NOC4L: variants seen among roughly 807,000 people sequenced by gnomAD.
NOC4L encodes the protein nucleolar complex protein 4 homolog.
A neutral mutation model predicts 62.8 loss-of-function variants in NOC4L; 40 were observed. That is an observed-to-expected ratio of 0.64 (90% CI 0.49 to 0.83). The LOEUF (loss-of-function observed/expected upper bound fraction) is 0.83, where lower values mean the gene tolerates loss of function less well. NOC4L is among the 40% of genes least tolerant of loss of function. The pLI is 0.00. For missense variants in NOC4L, 927 were observed against 701.9 expected (o/e 1.32, Z -3.62); for synonymous variants, 433 against 299.8 (o/e 1.44, Z -4.59).
At chr12:132,146,490 C>A in intron 3 of NOC4L, 2 of 396,722 alleles carry the variant, frequency 5.0e-6, no homozygotes, top group South Asian at 3.6e-5. Flanking sequence ...AGTGGAATTA[C>A]AAGGCCACAC....
At chr12:132,148,203 A>G in intron 7 of NOC4L, 97 bp downstream of exon 7, 1 of 1,292,802 alleles carries the variant, frequency 7.7e-7, no homozygotes, top group South Asian at 1.3e-5. Flanking sequence ...TCCTCACCAG[A>G]GGAAACTCCC....
At chr12:132,149,914 G>A (rs1315113828) in intron 9 of NOC4L, among the ~76,000 whole-genome samples, 2 of 10,920 alleles carry the variant, frequency 1.8e-4, no homozygotes, top group Admixed American at 7.5e-4. Flanking sequence ...CTCGGTGAGT[G>A]CCGCCGCCTC....
intron 7 of NOC4L, 88 bp downstream of exon 7, chr12:132,148,194 C>T: frequency 1.4e-6 from 2 of 1,387,920 alleles, no homozygotes; most frequent in African/African-American, 1.4e-5. Flanking sequence ...CTGCCGCCTT[C>T]CTCACCAGAG....
chr12:132,151,871 C>T (rs1434214671), intron 13 of NOC4L, 51 bp downstream of exon 13: 2 of 1,557,636 alleles, frequency 1.3e-6, no homozygotes, highest in Admixed American at 1.7e-5. Context: ...TCCTTCGGCC[C>T]CTCAGAAAGC....
rs892695344 is a variant in NOC4L, at chr12:132,144,597, G to T, written c.109G>T (p.Val37Leu). ...EANAVFDILAVLQSEDQEEIQ... is the reference protein window; with the variant it reads ...EANAVFDILALLQSEDQEEIQ... ...CAACGCCGTGTTCGACATCCTGGCCGTGCTGCAGGTGGGCCTGGCGGCGTC... is the reference window on the plus strand; with the variant it reads ...CAACGCCGTGTTCGACATCCTGGCCTTGCTGCAGGTGGGCCTGGCGGCGTC... The change falls in exon 1 of 15, where the codon GTG becomes TTG. Residue 37 changes from valine (V) to leucine (L), a missense_variant. Transcript: ENST00000330579. 4 of 1,518,324 alleles carry T rather than the reference G, an allele frequency of 2.6e-6. No homozygotes were observed. In the African/African-American group the frequency reaches 5.6e-5, roughly 21 times the overall value. The allele number at this position is 1,518,324 out of a possible 1,614,324, so 94.1% of individuals were successfully genotyped here.
Position 132,152,203 on chromosome 12 carries a change from G to T in NOC4L, c.1431+6G>T, listed in dbSNP as rs924007753. The T allele has an allele frequency of 3.7e-6, 6 of 1,610,804 alleles. No homozygotes were observed. In the Admixed American group the frequency reaches 5.0e-5, roughly 13 times the overall value. On this transcript the variant is annotated splice_donor_region_variant and intron_variant, in intron 14 of 14. Transcript: ENST00000330579. ...TGGAGCTCACGGCCTACGAGGTGCGGAACTGGGCCAGGGTGCGAGGGTCTG... is the reference window on the plus strand; with the variant it reads ...TGGAGCTCACGGCCTACGAGGTGCGTAACTGGGCCAGGGTGCGAGGGTCTG...
rs771107725 is a variant in NOC4L at position 132,147,633 on chromosome 12, T to C, written c.454T>C (p.Leu152=). The change falls in exon 5 of 15, where the codon TTG becomes CTG. Residue 152 remains leucine, a splice_region_variant and synonymous_variant. Coordinates refer to ENST00000330579, the MANE Select transcript of NOC4L (RefSeq NM_024078.3). The part of the protein sequence containing the change: ...NYLFPRELFK[L]VVGGLLSPEE... The stretch of plus-strand genomic sequence containing the variant: ...GCTGCTCACTGGTCCTTGCCCCTAG[T>C]TGGTGGTGGGAGGCCTGCTGTCTCC... 1.2e-6 allele frequency: 2 copies of C among 1,612,564 alleles called. No individual in the cohort carries two copies. Among genetic ancestry groups the C allele is most frequent in the Non-Finnish European group, 8.5e-7 (1 of 1,179,792 alleles).
At chr12:132,145,096 C>G (rs779601556) in intron 2 of NOC4L, 122 bp downstream of exon 2, 15 of 1,346,664 alleles carry the variant, frequency 1.1e-5, no homozygotes, top group Non-Finnish European at 1.2e-5. Flanking sequence ...GGAGGACGCA[C>G]CAAGCCCACC....
intron 3 of NOC4L, among the ~76,000 whole-genome samples, chr12:132,146,604 C>T (rs189622704): frequency 2.0e-5 from 3 of 152,332 alleles, no homozygotes; most frequent in African/African-American, 2.4e-5. Flanking sequence ...CCATACTCCA[C>T]ATCCTCGCCA....
At position 132,147,993 on chromosome 12, in the gene NOC4L, GAGTC is replaced by G. The variant is rs1172625308; in HGVS notation, c.703+17_703+20del. ...TGAAGCGGGCGGGTGAGTGTGCTGA[GAGTC>G]AGGGGCGGACAGGGCTGAGCCTTGG... On this transcript the variant is annotated intron_variant, in intron 6 of 14. Coordinates refer to ENST00000330579, the MANE Select transcript of NOC4L (RefSeq NM_024078.3). 2.5e-6 allele frequency: 4 copies of G among 1,612,262 alleles called. No individual in the cohort carries two copies. Among genetic ancestry groups the G allele is most frequent in the Non-Finnish European group, 2.5e-6 (3 of 1,179,578 alleles).
In NOC4L at chr12:132,147,622, C is replaced by A. The variant is rs78636093; in HGVS notation, c.454-11C>A. The A allele has an allele frequency of 9.0e-5, 145 of 1,612,312 alleles. 1 individual carries two copies. The East Asian group carries it at 3.1e-3, about 35-fold the overall frequency. On this transcript the variant is annotated splice_polypyrimidine_tract_variant and intron_variant, in intron 4 of 14. Transcript: ENST00000330579. ...GGCCGGGCAGGGCTGCTCACTGGTC[C>A]TTGCCCCTAGTTGGTGGTGGGAGGC...
chr12:132,148,868 G>T lies in NOC4L; in HGVS notation c.874G>T (p.Asp292Tyr). 1 of 1,599,366 alleles carries T rather than the reference G, an allele frequency of 6.3e-7. No homozygotes were observed. The highest frequency in any genetic ancestry group is 1.1e-5 in the South Asian group (1 of 90,602). The change falls in exon 9 of 15, where the codon GAC (aspartate) becomes TAC (tyrosine). Residue 292 changes from aspartate to tyrosine, a missense_variant. By Grantham distance (160) the Asp-to-Tyr change is radical. Coordinates refer to ENST00000330579, the MANE Select transcript of NOC4L (RefSeq NM_024078.3). ...PQLAQPTLMI[D>Y]FLTRACDLGG... is the part of the protein sequence containing the mutation. The stretch of plus-strand genomic sequence containing the variant: ...GCTGGCGCAGCCCACGCTCATGATC[G>T]ACTTCCTCACCCGCGCCTGCGACCT...
chr12:132,147,840 C>T, intron 5 of NOC4L, 40 bp from the exon 6 acceptor site: 1 of 1,610,222 alleles, frequency 6.2e-7, no homozygotes, highest in Non-Finnish European at 8.5e-7. Flanking sequence ...GAGGCAGGGA[C>T]TGGGGGGCGG....
chr12:132,150,994 C>G lies in NOC4L; in HGVS notation c.915C>G (p.Ser305Arg), dbSNP rs775316842. The change falls in exon 10 of 15, where the codon AGC becomes AGG. Residue 305 changes from serine (S) to arginine (R), a missense_variant. Physicochemically the swap from Ser to Arg is moderately radical, Grantham distance 110. Coordinates refer to ENST00000330579, the MANE Select transcript of NOC4L (RefSeq NM_024078.3). ...GTCTGTCTGCAGGGGGGGCCCTCAG[C>G]CTCTTGGCCTTGAACGGGCTGTTCA... ...TRACDLGGAL[S>R]LLALNGLFIL... 1 of 1,610,090 alleles carries G rather than the reference C, an allele frequency of 6.2e-7. No individual in the cohort carries two copies. Among genetic ancestry groups the G allele is most frequent in the Non-Finnish European group, 8.5e-7 (1 of 1,178,572 alleles).
intron 10 of NOC4L, 23 bp downstream of exon 10, chr12:132,151,064 GTCT>G (rs1565961415): frequency 6.2e-7 from 1 of 1,602,048 alleles, no homozygotes; most frequent in Admixed American, 1.7e-5. Flanking sequence ...AGGGGTGCAG[GTCT>G]TCTTCCCAGT....
At chr12:132,151,096 C>A (rs374724943) in intron 10 of NOC4L, 55 bp downstream of exon 10, 6 of 1,529,116 alleles carry the variant, frequency 3.9e-6, no homozygotes, top group African/African-American at 1.4e-5. Context: ...CCCTGCTCCT[C>A]TGTCCCCTTC....
In NOC4L at chr12:132,151,294, C is replaced by G. The variant is rs746720734; in HGVS notation, c.999C>G (p.Leu333=). 2.5e-6 allele frequency: 4 copies of G among 1,612,092 alleles called. No individual in the cohort carries two copies. Among genetic ancestry groups the G allele is most frequent in the Non-Finnish European group, 3.4e-6 (4 of 1,179,962 alleles). ...ACTTCTACCGGAAGCTCTACGGCCT[C>G]TTGGACCCCTCTGTCTTTCACGTCA... ...YPDFYRKLYG[L]LDPSVFHVKY... The change falls in exon 11 of 15, where the codon CTC becomes CTG. Residue 333 remains leucine (L), a synonymous_variant. Coordinates refer to ENST00000330579, the MANE Select transcript of NOC4L (RefSeq NM_024078.3).
rs546107984 is a variant in NOC4L at position 132,151,197 on chromosome 12, C to T, written c.963-61C>T. 1.6e-5 allele frequency: 23 copies of T among 1,481,220 alleles called. No individual in the cohort carries two copies. In the East Asian group the frequency reaches 2.7e-4, roughly 17 times the overall value. 91.8% of individuals were successfully genotyped at this position (1,481,220 alleles called of 1,614,324 possible). A position where few individuals can be genotyped will look rare whatever the true frequency, so the allele number is the denominator to read the frequency against. On this transcript the variant is annotated intron_variant, in intron 10 of 14. Transcript: ENST00000330579. ...GAAGGGGCGCCGAGTGAGACCCTGG[C>T]CTTGGAGGCCTCAGTTCCCGGGCCC...
Position 132,152,372 on chromosome 12 carries a change from C to G in NOC4L, c.1522C>G (p.Leu508Val). ...GGGCCTGCTGGGACGGCCGGGTGAA[C>G]TCTGTGCCCAGCACTTCACGCTCAG... ...AQGLLGRPGELCAQHFTLS is the reference protein window; with the variant it reads ...AQGLLGRPGEVCAQHFTLS The change falls in exon 15 of 15, where the codon CTC becomes GTC. Residue 508 changes from leucine (L) to valine (V), a missense_variant. By Grantham distance (32) the Leu-to-Val change is conservative. Coordinates refer to ENST00000330579, the MANE Select transcript of NOC4L (RefSeq NM_024078.3). The G allele has an allele frequency of 6.3e-7, 1 of 1,579,092 alleles. No individual in the cohort carries two copies. Among genetic ancestry groups the G allele is most frequent in the South Asian group, 1.2e-5 (1 of 86,658 alleles).
Sources: gnomAD v4.1 joint callset for allele counts (sites outside exome capture counted in the v4.1 genomes callset) on GRCh38, gnomAD v4.1.1 for gene constraint, MANE v1.5 for transcripts, NCBI Gene and HGNC (gene_info 2026-07-23, HGNC 2026-07-21) for gene names.